The following RBFOX1 variants were observed in gnomAD, a reference collection of about 807,000 sequenced individuals.
RBFOX1 encodes the protein RNA binding protein fox-1 homolog 1.
Under a neutral mutation model 57.7 loss-of-function variants are expected in RBFOX1, and 8 were observed. The observed-to-expected ratio is 0.14, with a 90% CI of 0.08 to 0.25. RBFOX1 has a LOEUF of 0.25. Ranked by LOEUF, RBFOX1 falls within the 10% of genes least tolerant of loss-of-function variation. The pLI is 1.00. For synonymous variants in RBFOX1, 326 were observed against 222.4 expected, an observed-to-expected ratio of 1.47 and a Z score of -4.15; for missense variants, 611 against 548.5, an observed-to-expected ratio of 1.11 and a Z score of -1.14.
intron 5 of RBFOX1, among the ~76,000 whole-genome samples, chr16:7,565,412 C>T (rs949679236): frequency 1.3e-5 from 2 of 152,124 alleles, no homozygotes; most frequent in Non-Finnish European, 2.9e-5. Flanking sequence ...AGGTATATTG[C>T]AGAGCTCTGC....
intron 2 of RBFOX1, among the ~76,000 whole-genome samples, chr16:6,549,271 GGGA>G (rs1377409918): frequency 6.7e-5 from 1 of 14,836 alleles, no homozygotes; most frequent in East Asian, 1.1e-3. Context: ...GAGGAGAGGA[GGGA>G]GGAGGAGGAG....
intron 3 of RBFOX1, among the ~76,000 whole-genome samples, chr16:7,018,567 A>C (rs2094033885): frequency 6.6e-6 from 1 of 152,146 alleles, no homozygotes; most frequent in Non-Finnish European, 1.5e-5. Flanking sequence ...TAGCAGCATA[A>C]TTTATAATCC....
chr16:6,780,095 ATATTTT>A (rs2080426814), intron 3 of RBFOX1, among the ~76,000 whole-genome samples: 1 of 48,272 alleles, frequency 2.1e-5, no homozygotes, highest in Non-Finnish European at 3.0e-5. Flanking sequence ...ATATATTTAT[ATATTTT>A]TATATATTTA....
chr16:6,733,079 A>G (rs1055376164), intron 3 of RBFOX1, among the ~76,000 whole-genome samples: 2 of 152,218 alleles, frequency 1.3e-5, no homozygotes. Flanking sequence ...TCCCTCTTAC[A>G]TAAAAAGATG....
At chr16:6,550,222 G>C (rs564548819) in intron 2 of RBFOX1, among the ~76,000 whole-genome samples, 32 of 152,066 alleles carry the variant, frequency 2.1e-4, no homozygotes, top group African/African-American at 7.5e-4. Flanking sequence ...CTGTCGCCCA[G>C]ACTGGAGTGT....
At chr16:5,691,088 G>A (rs1345556321) in intron 3 of RBFOX1, among the ~76,000 whole-genome samples, 1 of 152,228 alleles carries the variant, frequency 6.6e-6, no homozygotes, top group Non-Finnish European at 1.5e-5. Context: ...GTGGCTCTCT[G>A]AAGAGGCTGT....
chr16:6,859,876 G>A (rs888820234), intron 3 of RBFOX1, among the ~76,000 whole-genome samples: 1 of 152,134 alleles, frequency 6.6e-6, no homozygotes, highest in Non-Finnish European at 1.5e-5. Flanking sequence ...TTTCCTTTGA[G>A]TTAGAGGAAT....
At chr16:5,988,356 C>G (rs552327513) in intron 4 of RBFOX1, among the ~76,000 whole-genome samples, 2 of 152,278 alleles carry the variant, frequency 1.3e-5, no homozygotes, top group African/African-American at 4.8e-5. Context: ...CAGCCATTAT[C>G]CTAATTCAAA....
intron 1 of RBFOX1, among the ~76,000 whole-genome samples, chr16:6,112,645 C>T (rs978174730): frequency 1.3e-5 from 2 of 152,040 alleles, no homozygotes; most frequent in African/African-American, 2.4e-5. Context: ...GAGCTGAGAT[C>T]GTGCCATTGC....
chr16:6,491,367 C>G (rs1206067030), intron 2 of RBFOX1, among the ~76,000 whole-genome samples: 3 of 151,992 alleles, frequency 2.0e-5, no homozygotes, highest in East Asian at 1.9e-4. Context: ...AGTGATAAAC[C>G]TTGTATGCCA....
chr16:5,308,804 CTT>C (rs2064006405), intron 1 of RBFOX1, among the ~76,000 whole-genome samples: 3 of 151,718 alleles, frequency 2.0e-5, no homozygotes, highest in South Asian at 4.2e-4. Context: ...GTTTTCCTCT[CTT>C]GTGTCTTTTT....
chr16:7,157,703 G>A (rs767474800), intron 4 of RBFOX1, among the ~76,000 whole-genome samples: 1 of 152,100 alleles, frequency 6.6e-6, no homozygotes, highest in Non-Finnish European at 1.5e-5. Context: ...GCAGTCCCAC[G>A]CATCACCTCA....
intron 3 of RBFOX1, among the ~76,000 whole-genome samples, chr16:7,024,352 A>T (rs1428827119): frequency 6.6e-6 from 1 of 152,138 alleles, no homozygotes; most frequent in East Asian, 1.9e-4. Context: ...TAAAATAATA[A>T]TTCTTGGAGG....
At chr16:5,652,530 A>G (rs1193483878) in intron 3 of RBFOX1, among the ~76,000 whole-genome samples, 2 of 152,208 alleles carry the variant, frequency 1.3e-5, no homozygotes, top group Non-Finnish European at 2.9e-5. Flanking sequence ...ACAGGATTAT[A>G]CTAGGGTCAC....
intron 1 of RBFOX1, among the ~76,000 whole-genome samples, chr16:6,165,865 G>T (rs2096913160): frequency 6.6e-6 from 1 of 152,184 alleles, no homozygotes; most frequent in South Asian, 2.1e-4. Flanking sequence ...GAAAAGGAGA[G>T]GCAAATGGTA....
rs915878587 is a variant in RBFOX1, at chr16:5,895,915, C to G, written c.351+28580C>G. Among the ~76,000 whole-genome samples, 3 of 152,176 alleles carry G rather than the reference C, an allele frequency of 2.0e-5. No individual in the cohort carries two copies. In the South Asian group the frequency reaches 6.2e-4, roughly 32 times the overall value. On this transcript the variant is annotated intron_variant, in intron 4 of 19. Transcript: ENST00000641259. Reference sequence around the variant, plus strand: ...GTTCCCAAGAGGCACATTTCTAAATCAAAAAGAATGGAAGAATGAAGTCTG... The same window carrying G: ...GTTCCCAAGAGGCACATTTCTAAATGAAAAAGAATGGAAGAATGAAGTCTG...
rs552457493 is a variant in RBFOX1, at chr16:5,625,609, G to A, written c.318+26648G>A. On this transcript the variant is annotated intron_variant, in intron 3 of 19. Coordinates refer to the RBFOX1 transcript ENST00000641259. ...GTTTTGCTCTGTCACCCCGGCTCGA[G>A]TATGGTGGTGCAATCTTGGCTTACT... Among the ~76,000 whole-genome samples, 5 of 151,670 alleles carry A rather than the reference G, an allele frequency of 3.3e-5. No individual in the cohort carries two copies. In the South Asian group the frequency reaches 8.3e-4, roughly 25 times the overall value.
At chr16:6,591,567 C>A (rs1382576720) in intron 2 of RBFOX1, among the ~76,000 whole-genome samples, 1 of 152,122 alleles carries the variant, frequency 6.6e-6, no homozygotes, top group Admixed American at 6.5e-5. Flanking sequence ...GGAGAGGAGA[C>A]CATTTATGCA....
chr16:6,601,074 G>T (rs1287265606), intron 2 of RBFOX1, among the ~76,000 whole-genome samples: 1 of 152,178 alleles, frequency 6.6e-6, no homozygotes, highest in African/African-American at 2.4e-5. Context: ...TGTCAGACCA[G>T]AAATTATAGA....
Sources: allele counts gnomAD v4.1 joint callset (sites outside exome capture counted in the v4.1 genomes callset), GRCh38; gene constraint gnomAD v4.1.1; transcripts MANE v1.5; gene names NCBI Gene and HGNC (gene_info 2026-07-23, HGNC 2026-07-21).